Variants in TUSC3 observed in about 807,000 individuals in gnomAD.
The protein encoded by TUSC3 is tumor suppressor candidate 3, also known as dolichyl-diphosphooligosaccharide--protein glycosyltransferase subunit TUSC3.
In TUSC3, 45 loss-of-function variants were observed where a neutral mutation model predicts 44.8. The observed-to-expected ratio is 1.00, with a 90% CI of 0.79 to 1.29. TUSC3 has a LOEUF of 1.29. Among genes scored for constraint, TUSC3 ranks in the 50% most tolerant of loss-of-function variants. TUSC3 has a pLI of 0.00. For missense variants in TUSC3, 519 were observed against 437.9 expected, an observed-to-expected ratio of 1.19 and a Z score of -1.65; for synonymous variants, 212 against 152.9, an observed-to-expected ratio of 1.39 and a Z score of -2.85.
chr8:15,495,865 A>G (rs1800873944), intron 2 of TUSC3, among the ~76,000 whole-genome samples: 1 of 152,188 alleles, frequency 6.6e-6, no homozygotes, highest in South Asian at 2.1e-4. Context: ...CAAATGGAGT[A>G]GTATCCTTGT....
intron 1 of TUSC3, among the ~76,000 whole-genome samples, chr8:15,481,138 C>A (rs953529118): frequency 6.6e-6 from 1 of 150,662 alleles, no homozygotes; most frequent in African/African-American, 2.4e-5. Flanking sequence ...ATCCCAGCTA[C>A]TTGGGAGGCT....
intron 1 of TUSC3, among the ~76,000 whole-genome samples, chr8:15,432,444 T>C (rs1245983784): frequency 4.6e-5 from 7 of 152,208 alleles, no homozygotes; most frequent in African/African-American, 1.4e-4. Flanking sequence ...AGAGCACTTA[T>C]ATTATTCATA....
intron 1 of TUSC3, among the ~76,000 whole-genome samples, chr8:15,444,903 C>A (rs1031294911): frequency 1.3e-4 from 20 of 152,278 alleles, no homozygotes; most frequent in African/African-American, 4.8e-4. Flanking sequence ...CCGGCAAACT[C>A]CTGGAAGGGA....
chr8:15,438,550 G>A (rs73189487), intron 1 of TUSC3, among the ~76,000 whole-genome samples: 24,688 of 152,142 alleles, frequency 0.16, 2,078 homozygotes, highest in Middle Eastern at 0.22. Context: ...TGGTGCTCCT[G>A]TGAAACACTG....
chr8:15,494,260 G>A (rs1260311279), intron 2 of TUSC3, among the ~76,000 whole-genome samples: 1 of 151,120 alleles, frequency 6.6e-6, no homozygotes, highest in African/African-American at 2.4e-5. Flanking sequence ...GTGACATGTA[G>A]CAATATTTTT....
chr8:15,651,750 C>G (rs535048867), intron 3 of TUSC3, among the ~76,000 whole-genome samples: 1 of 152,288 alleles, frequency 6.6e-6, no homozygotes, highest in Admixed American at 6.5e-5. Flanking sequence ...ATTTTCTGTT[C>G]TAGCAACTCA....
At chr8:15,754,920 A>C (rs907985672) in intron 9 of TUSC3, among the ~76,000 whole-genome samples, 1 of 152,070 alleles carries the variant, frequency 6.6e-6, no homozygotes, top group Non-Finnish European at 1.5e-5. Flanking sequence ...ACAAAACCTT[A>C]AACATCTATG....
intron 7 of TUSC3, among the ~76,000 whole-genome samples, chr8:15,739,461 T>C (rs1811093734): frequency 1.3e-5 from 2 of 152,160 alleles, no homozygotes; most frequent in African/African-American, 4.8e-5. Flanking sequence ...ATTTCTGCCC[T>C]GTTAATAGGG....
intron 6 of TUSC3, among the ~76,000 whole-genome samples, chr8:15,720,614 A>G (rs1014464287): frequency 2.0e-5 from 3 of 152,148 alleles, no homozygotes; most frequent in African/African-American, 7.2e-5. Flanking sequence ...TGCTCATCAG[A>G]ATGCAGTGGT....
chr8:15,671,632 A>G (rs1229783232), intron 5 of TUSC3, among the ~76,000 whole-genome samples: 2 of 152,076 alleles, frequency 1.3e-5, no homozygotes, highest in East Asian at 3.9e-4. Context: ...ATCTTGATTA[A>G]TTATGTATTA....
intron 1 of TUSC3, among the ~76,000 whole-genome samples, chr8:15,608,092 A>G (rs560432657): frequency 2.0e-5 from 3 of 152,268 alleles, no homozygotes; most frequent in Non-Finnish European, 4.4e-5. Flanking sequence ...ATTTAAATGT[A>G]TTTGCATTTA....
At chr8:15,705,818 T>C (rs562590219) in intron 6 of TUSC3, among the ~76,000 whole-genome samples, 1 of 152,196 alleles carries the variant, frequency 6.6e-6, no homozygotes, top group Admixed American at 6.6e-5. Flanking sequence ...GCTTCTCTTT[T>C]GGTTCTCATC....
intron 1 of TUSC3, among the ~76,000 whole-genome samples, chr8:15,573,200 C>CTATATATATATATA (rs756046911): frequency 2.0e-5 from 2 of 99,552 alleles, no homozygotes; most frequent in African/African-American, 8.4e-5. Context: ...CTCTCTCTCT[C>CTATATATATATATA]TCTATATATA....
intron 1 of TUSC3, among the ~76,000 whole-genome samples, chr8:15,469,135 A>G (rs1403949021): frequency 6.6e-6 from 1 of 152,360 alleles, no homozygotes; most frequent in South Asian, 2.1e-4. Context: ...CCACCAAAGC[A>G]TGATTTATGA....
At chr8:15,800,427 G>T in the TUSC3 span, among the ~76,000 whole-genome samples, 5 of 152,156 alleles carry the variant, frequency 3.3e-5, no homozygotes, top group African/African-American at 9.6e-5. Context: ...ACACAAATTA[G>T]CCGGGCATGG....
At chr8:15,463,323 A>G (rs970994558) in intron 1 of TUSC3, among the ~76,000 whole-genome samples, 21 of 152,282 alleles carry the variant, frequency 1.4e-4, no homozygotes, top group African/African-American at 5.1e-4. Flanking sequence ...CGTCATCACT[A>G]TGAATCACAT....
Position 15,757,817 on chromosome 8 carries a change from T to C in TUSC3, c.*8T>C. The stretch of plus-strand genomic sequence containing the variant: ...GATCTGGACTTTGAGTGAGAAGATG[T>C]GATTTGGACCATGGCACTTAAAAAC... On this transcript the variant is annotated 3_prime_UTR_variant, in exon 10 of 11. Coordinates refer to ENST00000503731, the MANE Select transcript of TUSC3 (RefSeq NM_006765.4). The C allele has an allele frequency of 7.1e-7, 1 of 1,409,140 alleles. No homozygotes were observed. The highest frequency in any genetic ancestry group is 2.3e-5 in the East Asian group (1 of 43,864). The allele number at this position is 1,409,140 out of a possible 1,614,324, so 87.3% of individuals were successfully genotyped here.
intron 3 of TUSC3, among the ~76,000 whole-genome samples, chr8:15,658,526 T>C (rs986530100): frequency 1.4e-4 from 21 of 152,062 alleles, no homozygotes; most frequent in Non-Finnish European, 2.1e-4. Context: ...TAGAAAATAC[T>C]GAACTGTACT....
At chr8:15,714,965 G>T (rs1810001734) in intron 6 of TUSC3, among the ~76,000 whole-genome samples, 1 of 152,012 alleles carries the variant, frequency 6.6e-6, no homozygotes, top group Non-Finnish European at 1.5e-5. Context: ...TGATACAACG[G>T]TAACAGCATG....
Sources: allele counts gnomAD v4.1 joint callset (sites outside exome capture counted in the v4.1 genomes callset), GRCh38; gene constraint gnomAD v4.1.1; transcripts MANE v1.5; gene names NCBI Gene and HGNC (gene_info 2026-07-23, HGNC 2026-07-21).